The following GRK5 variants were observed in gnomAD, a reference collection of about 807,000 sequenced individuals.
The protein encoded by GRK5 is g protein-coupled receptor kinase GRK5.
Under a neutral mutation model 78.4 loss-of-function variants are expected in GRK5, and 40 were observed. That is an observed-to-expected ratio of 0.51 (90% confidence interval 0.40 to 0.66). GRK5 has a LOEUF of 0.66. GRK5 is among the 30% of genes least tolerant of loss of function. The pLI is 0.00. For missense variants in GRK5, 598 were observed against 759.9 expected, an observed-to-expected ratio of 0.79 and a Z score of 2.50; for synonymous variants, 289 against 296.8, an observed-to-expected ratio of 0.97 and a Z score of 0.27.
intron 3 of GRK5, among the ~76,000 whole-genome samples, chr10:119,393,525 A>G (rs1851920295): frequency 6.6e-6 from 1 of 152,228 alleles, no homozygotes. Flanking sequence ...GATGGTATAG[A>G]GTTACCCCAA....
chr10:119,209,607 G>A (rs56333198), intron 1 of GRK5, among the ~76,000 whole-genome samples: 1 of 148,324 alleles, frequency 6.7e-6, no homozygotes. Context: ...AGGAAGCAGA[G>A]AAAACAGCCC....
chr10:119,388,092 A>G (rs1026845993), intron 3 of GRK5, among the ~76,000 whole-genome samples: 9 of 152,166 alleles, frequency 5.9e-5, no homozygotes, highest in Non-Finnish European at 1.5e-5. Flanking sequence ...AGCTGGGACT[A>G]CAGGCGCAGG....
At chr10:119,262,329 G>GT (rs149424799) in intron 1 of GRK5, among the ~76,000 whole-genome samples, 5 of 67,528 alleles carry the variant, frequency 7.4e-5, no homozygotes, top group African/African-American at 2.7e-4. Flanking sequence ...TTAACTTTGG[G>GT]TTTTTTTTTT....
chr10:119,348,782 G>A (rs972849831), intron 2 of GRK5, among the ~76,000 whole-genome samples: 4 of 152,190 alleles, frequency 2.6e-5, no homozygotes, highest in African/African-American at 9.7e-5. Flanking sequence ...GGGGGGACCA[G>A]GTGTCCCAAG....
chr10:119,300,780 C>T (rs1589730671), intron 1 of GRK5, among the ~76,000 whole-genome samples: 1 of 152,074 alleles, frequency 6.6e-6, no homozygotes, highest in African/African-American at 2.4e-5. Context: ...TTTATCAAGT[C>T]GTACTGTTTA....
At chr10:119,213,504 CTG>C (rs1848522383) in intron 1 of GRK5, among the ~76,000 whole-genome samples, 2 of 152,028 alleles carry the variant, frequency 1.3e-5, no homozygotes, top group African/African-American at 4.8e-5. Flanking sequence ...GAGTAAGACT[CTG>C]TTTCAAAAAA....
chr10:119,343,849 C>T (rs1425690668), intron 2 of GRK5, among the ~76,000 whole-genome samples: 6 of 152,144 alleles, frequency 3.9e-5, no homozygotes, highest in African/African-American at 9.7e-5. Flanking sequence ...ACAGAGCAGG[C>T]GGGCTTCCAG....
At chr10:119,313,014 A>ATGCTGATGGTGGTGGTAATGGTGGTGC (rs1850395601) in intron 1 of GRK5, among the ~76,000 whole-genome samples, 2 of 5,208 alleles carry the variant, frequency 3.8e-4, no homozygotes, top group Admixed American at 1.8e-3. Flanking sequence ...CGTGACGGTG[A>ATGCTGATGGTGGTGGTAATGGTGGTGC]TGGTAGTGGT....
chr10:119,296,128 T>A (rs1850075846), intron 1 of GRK5, among the ~76,000 whole-genome samples: 1 of 152,152 alleles, frequency 6.6e-6, no homozygotes, highest in Non-Finnish European at 1.5e-5. Flanking sequence ...CCCAGGCTCT[T>A]CTTATTTTTC....
Position 119,267,814 on chromosome 10 carries a change from A to T in GRK5, c.53-58702A>T, listed in dbSNP as rs1849526054. 6.6e-6 allele frequency among the ~76,000 whole-genome samples: 1 copy of T among 152,102 alleles called. No homozygotes were observed. The highest frequency in any genetic ancestry group is 2.4e-5 in the African/African-American group (1 of 41,424). ...TGACATGGAACAGGGAGGCGCTCCC[A>T]TGTCAGAAGATGGGTCCTCTCCACC... On this transcript the variant is annotated intron_variant, in intron 1 of 15. Transcript: ENST00000392870. The surrounding 1 kb of genome is among the most constrained non-coding windows in gnomAD (Gnocchi z 4.1).
At chr10:119,429,868 A>G (rs1045434683) in intron 6 of GRK5, among the ~76,000 whole-genome samples, 3 of 152,152 alleles carry the variant, frequency 2.0e-5, no homozygotes, top group Non-Finnish European at 2.9e-5. Flanking sequence ...TCAGGAAGGA[A>G]TAAGCCATGC....
rs1438465711 is a variant in GRK5 at position 119,445,555 on chromosome 10, C to T, written c.1266+1803C>T. Among the ~76,000 whole-genome samples the T allele has an allele frequency of 6.6e-6, 1 of 152,166 alleles. No individual in the cohort carries two copies. Among genetic ancestry groups the T allele is most frequent in the Non-Finnish European group, 1.5e-5 (1 of 68,010 alleles). ...GGACACTGAGAGAAAGCCTGCTGCT[C>T]CCGGAGGACCTGTCCCGTGGGTACA... On this transcript the variant is annotated intron_variant, in intron 12 of 15. Transcript: ENST00000392870. The surrounding 1 kb of genome is among the most constrained non-coding windows in gnomAD (Gnocchi z 4.1).
intron 5 of GRK5, among the ~76,000 whole-genome samples, chr10:119,424,169 G>A (rs987208695): frequency 6.6e-6 from 1 of 152,176 alleles, no homozygotes; most frequent in African/African-American, 2.4e-5. Context: ...TCCAACAGTG[G>A]GTGGGGTCTT....
chr10:119,289,047 C>T (rs754557963), intron 1 of GRK5, among the ~76,000 whole-genome samples: 1 of 152,036 alleles, frequency 6.6e-6, no homozygotes, highest in Admixed American at 6.5e-5. Flanking sequence ...CTTTTTTTTC[C>T]CTCCAACACT....
intron 2 of GRK5, among the ~76,000 whole-genome samples, chr10:119,373,158 C>T (rs748032957): frequency 2.0e-4 from 31 of 152,152 alleles, no homozygotes; most frequent in African/African-American, 5.1e-4. Context: ...AGTATCAGTC[C>T]GTGATGGATT....
At chr10:119,292,915 A>C (rs1279350592) in intron 1 of GRK5, among the ~76,000 whole-genome samples, 1 of 151,520 alleles carries the variant, frequency 6.6e-6, no homozygotes, top group African/African-American at 2.4e-5. Flanking sequence ...GAGCCCGTGG[A>C]TATGGGAGGC....
intron 3 of GRK5, among the ~76,000 whole-genome samples, chr10:119,381,744 C>A (rs1428495217): frequency 6.6e-6 from 1 of 152,066 alleles, no homozygotes; most frequent in Non-Finnish European, 1.5e-5. Context: ...TGAAGTCATC[C>A]AGGCCCCTCC....
At position 119,322,808 on chromosome 10, in the gene GRK5, T is replaced by C. The variant is rs370922516; in HGVS notation, c.53-3708T>C. ...TCCAGCAATTTCCCTCCTGAGTATATACCCAAAAGAATGGAAAGCAGGGAC... is the reference window on the plus strand; with the variant it reads ...TCCAGCAATTTCCCTCCTGAGTATACACCCAAAAGAATGGAAAGCAGGGAC... On this transcript the variant is annotated intron_variant, in intron 1 of 15. Coordinates refer to ENST00000392870, the MANE Select transcript of GRK5 (RefSeq NM_005308.3). 3.0e-3 allele frequency among the ~76,000 whole-genome samples: 464 copies of C among 152,314 alleles called. 4 individuals are homozygous for C. Among genetic ancestry groups the C allele is most frequent in the African/African-American group, 0.01 (436 of 41,562 alleles).
In GRK5 at chr10:119,452,849, G is replaced by A; in HGVS notation, c.1542+41G>A. 6 of 928,228 alleles carry A rather than the reference G, an allele frequency of 6.5e-6. No individual in the cohort carries two copies. Among genetic ancestry groups the A allele is most frequent in the Non-Finnish European group, 9.9e-6 (6 of 608,198 alleles). The allele number at this position is 928,228 out of a possible 1,614,324, so 57.5% of individuals were successfully genotyped here. ...CACTTGCTTTGGTCTGGGTGGGAGG[G>A]AGGGACTGACGGGTGGAAGGAGGCG... On this transcript the variant is annotated intron_variant, in intron 14 of 15. Transcript: ENST00000392870. The surrounding 1 kb of genome is among the most constrained non-coding windows in gnomAD (Gnocchi z 4.4).
Sources: gnomAD v4.1 joint callset for allele counts (sites outside exome capture counted in the v4.1 genomes callset) on GRCh38, gnomAD v4.1.1 for gene constraint, Gnocchi (gnomAD v3.1) non-coding constraint, MANE v1.5 for transcripts, NCBI Gene and HGNC (gene_info 2026-07-23, HGNC 2026-07-21) for gene names.